CLASP1: variants seen among roughly 807,000 people sequenced by gnomAD.
CLASP1 encodes the protein cytoplasmic linker associated protein 1, also known as CLIP-associating protein 1.
A neutral mutation model predicts 192.3 loss-of-function variants in CLASP1; 38 were observed. The observed-to-expected ratio is 0.20, with a 90% CI of 0.15 to 0.26. The LOEUF is 0.26. Ranked by LOEUF, CLASP1 falls within the 10% of genes least tolerant of loss-of-function variation. The probability of loss-of-function intolerance (pLI) is 1.00; values close to 1 mark genes in which losing one functional copy is unlikely to be tolerated. For missense variants in CLASP1, 1,433 were observed against 1,932.5 expected (o/e 0.74, Z 4.85); for synonymous variants, 691 against 712.8 (o/e 0.97, Z 0.49).
At chr2:121,543,257 G>T (rs528601564) in intron 2 of CLASP1, among the ~76,000 whole-genome samples, 34 of 152,220 alleles carry the variant, frequency 2.2e-4, no homozygotes, top group African/African-American at 8.2e-4. Context: ...CCAGTCACTT[G>T]ATAACATGTG....
chr2:121,369,160 A>G (rs1465333044), intron 34 of CLASP1, among the ~76,000 whole-genome samples: 1 of 152,202 alleles, frequency 6.6e-6, no homozygotes, highest in African/African-American at 2.4e-5. Flanking sequence ...GCTCTTGTGA[A>G]TAATGCTGCT....
chr2:121,418,950 C>T (rs1316648593), intron 22 of CLASP1, among the ~76,000 whole-genome samples: 1 of 152,086 alleles, frequency 6.6e-6, no homozygotes, highest in Non-Finnish European at 1.5e-5. Context: ...CCTCAGAAAG[C>T]TGTGAATTTC....
intron 8 of CLASP1, among the ~76,000 whole-genome samples, chr2:121,487,023 T>A (rs1204704075): frequency 6.6e-6 from 1 of 152,202 alleles, no homozygotes. Context: ...CCTATAATCA[T>A]CTTACCCTCA....
intron 7 of CLASP1, among the ~76,000 whole-genome samples, chr2:121,510,927 G>A (rs1353611230): frequency 6.6e-6 from 1 of 152,152 alleles, no homozygotes; most frequent in Non-Finnish European, 1.5e-5. Flanking sequence ...GCCGAGAAAG[G>A]TGAAGCAAAG....
At chr2:121,352,702 T>G (rs2064715252) in intron 37 of CLASP1, among the ~76,000 whole-genome samples, 1 of 152,214 alleles carries the variant, frequency 6.6e-6, no homozygotes, top group Non-Finnish European at 1.5e-5. Flanking sequence ...TCATTCAGGC[T>G]GGAGTGCAAT....
chr2:121,478,905 C>CA (rs776445684), intron 8 of CLASP1, among the ~76,000 whole-genome samples: 3,419 of 50,948 alleles, frequency 0.067, 105 homozygotes, highest in African/African-American at 0.21. Context: ...ACACACCACA[C>CA]CACACACACC....
chr2:121,528,772 T>G, exon 4 of CLASP1: 1 of 1,613,572 alleles, frequency 6.2e-7, no homozygotes, highest in Non-Finnish European at 8.5e-7. Flanking sequence ...TCTATTAGAC[T>G]TGGCAGCACT....
chr2:121,407,688 G>A, exon 25 of CLASP1: 1 of 1,613,934 alleles, frequency 6.2e-7, no homozygotes, highest in East Asian at 2.2e-5. Context: ...ATCCCATACG[G>A]CTCATATCTC....
At chr2:121,635,955 C>A (rs537952777) in intron 1 of CLASP1, among the ~76,000 whole-genome samples, 25 of 151,152 alleles carry the variant, frequency 1.7e-4, no homozygotes, top group African/African-American at 5.8e-4. Flanking sequence ...TTATCCCAAC[C>A]CTTTGGGAGG....
rs2072120630 is a variant in CLASP1 at position 121,641,722 on chromosome 2, CTCATA to C, written c.-286+7645_-286+7649del. ...AATAAAAATAATGTACCAGCTACAC[CTCATA>C]TAATAGCAAAAAATATACTTAAATT... On this transcript the variant is annotated intron_variant, in intron 1 of 39. Coordinates refer to ENST00000263710, the Ensembl canonical transcript of CLASP1. Among the ~76,000 whole-genome samples, 7 of 152,214 alleles carry C rather than the reference CTCATA, an allele frequency of 4.6e-5. No homozygotes were observed. In the South Asian group the frequency reaches 1.2e-3, roughly 27 times the overall value.
At chr2:121,460,210 G>A in intron 11 of CLASP1, 85 bp from the exon 12 acceptor site, 2 of 1,122,784 alleles carry the variant, frequency 1.8e-6, no homozygotes, top group Middle Eastern at 5.4e-4. Flanking sequence ...AAATACAAAA[G>A]AGATCATTGT....
At chr2:121,523,427 A>G (rs761171812) in intron 6 of CLASP1, among the ~76,000 whole-genome samples, 2 of 152,224 alleles carry the variant, frequency 1.3e-5, no homozygotes, top group African/African-American at 2.4e-5. Flanking sequence ...AGAGTAGCCC[A>G]ACACAAAAAC....
chr2:121,511,646 GTATAATTCT>G (rs1195880255), intron 7 of CLASP1, among the ~76,000 whole-genome samples: 1 of 149,520 alleles, frequency 6.7e-6, no homozygotes, highest in African/African-American at 2.4e-5. Context: ...ATAGTGAAAA[GTATAATTCT>G]TATAGTGACA....
chr2:121,604,174 T>C (rs2105899557), intron 2 of CLASP1, among the ~76,000 whole-genome samples: 1 of 152,336 alleles, frequency 6.6e-6, no homozygotes, highest in Non-Finnish European at 1.5e-5. Context: ...AGGTATCCCA[T>C]GAGTATGTAA....
intron 12 of CLASP1, 100 bp downstream of exon 12, chr2:121,459,880 T>C: frequency 8.7e-7 from 1 of 1,143,638 alleles, no homozygotes; most frequent in South Asian, 2.4e-5. Flanking sequence ...TAGTCAGAAG[T>C]TACATTAAAG....
At chr2:121,458,530 G>A (rs950360351) in intron 13 of CLASP1, among the ~76,000 whole-genome samples, 2 of 152,186 alleles carry the variant, frequency 1.3e-5, no homozygotes, top group African/African-American at 2.4e-5. Flanking sequence ...AGTAATATCC[G>A]AGTAACAAGA....
intron 2 of CLASP1, among the ~76,000 whole-genome samples, chr2:121,531,269 A>G (rs1380611020): frequency 6.6e-6 from 1 of 152,128 alleles, no homozygotes; most frequent in East Asian, 1.9e-4. Flanking sequence ...TCAATAGGAG[A>G]CGAAGTTTCA....
chr2:121,585,794 G>C (rs1220194141), intron 2 of CLASP1, among the ~76,000 whole-genome samples: 2 of 151,514 alleles, frequency 1.3e-5, no homozygotes, highest in Non-Finnish European at 2.9e-5. Flanking sequence ...CTGCTCAGGA[G>C]ACTGAGCCAG....
At chr2:121,416,861 G>A (rs890067892) in intron 23 of CLASP1, among the ~76,000 whole-genome samples, 4 of 152,182 alleles carry the variant, frequency 2.6e-5, no homozygotes, top group African/African-American at 9.7e-5. Flanking sequence ...CTGTCCCAGA[G>A]GATGAACAGG....
Sources: allele counts gnomAD v4.1 joint callset (sites outside exome capture counted in the v4.1 genomes callset), GRCh38; gene constraint gnomAD v4.1.1; transcripts MANE v1.5; gene names NCBI Gene and HGNC (gene_info 2026-07-23, HGNC 2026-07-21).